The following TECTA variants were observed in gnomAD, a reference collection of about 807,000 sequenced individuals.
The protein encoded by TECTA is tectorin alpha.
TECTA carries 128 observed loss-of-function variants against 216.8 expected under a neutral mutation model. That is an observed-to-expected ratio of 0.59 (90% CI 0.51 to 0.68). TECTA has a LOEUF of 0.68. Among genes scored for constraint, TECTA ranks in the 30% least tolerant of loss-of-function variants. The pLI is 0.00. For missense variants in TECTA, 2,551 were observed against 2,786.2 expected (o/e 0.92, Z 1.90); for synonymous variants, 1,089 against 1,117.1 (o/e 0.97, Z 0.50).
At chr11:121,116,909 C>T (rs1946507157) in intron 6 of TECTA, among the ~76,000 whole-genome samples, 1 of 152,170 alleles carries the variant, frequency 6.6e-6, no homozygotes, top group South Asian at 2.1e-4. Flanking sequence ...GGCTGATGCA[C>T]ATGACTTATT....
chr11:121,166,908 T>C (rs1306704491), intron 18 of TECTA, 128 bp downstream of exon 18: 5 of 1,029,658 alleles, frequency 4.9e-6, no homozygotes, highest in Non-Finnish European at 7.3e-6. Context: ...AAAACAGCAA[T>C]AGGCATGTGC....
chr11:121,164,511 G>A (rs192362128), intron 16 of TECTA, among the ~76,000 whole-genome samples: 12 of 152,240 alleles, frequency 7.9e-5, no homozygotes, highest in East Asian at 3.9e-4. Context: ...AGACCGAGGC[G>A]TTGACTATCT....
At chr11:121,102,577 T>G in intron 1 of TECTA, 88 bp from the exon 2 acceptor site, 1 of 967,214 alleles carries the variant, frequency 1.0e-6, no homozygotes, top group Non-Finnish European at 1.7e-6. Context: ...GTTTTGATGG[T>G]CTTGGGATTA....
Position 121,113,585 on chromosome 11 carries a change from C to T in TECTA, c.657C>T (p.Phe219=), listed in dbSNP as rs1224474527. 1 of 1,614,014 alleles carries T rather than the reference C, an allele frequency of 6.2e-7. No homozygotes were observed. The highest frequency in any genetic ancestry group is 1.7e-5 in the Admixed American group (1 of 60,020). ...TTAATGGTGGAAACCTCACCAATTT[C>T]TTCAGCCTCCCGGGGTCAAGAACCC... is the stretch of plus-strand genomic sequence containing the variant. ...AGFNGGNLTN[F]FSLPGSRTPE... is the part of the protein sequence containing the mutation. The change falls in exon 6 of 24, where the codon TTC becomes TTT. Residue 219 remains phenylalanine, a synonymous_variant. Transcript: ENST00000392793. This position sits in a 1 kb window ranked among gnomAD's most constrained non-coding sequence, Gnocchi z 4.2.
At chr11:121,171,637 G>A (rs1275558412) in intron 20 of TECTA, among the ~76,000 whole-genome samples, 1 of 151,870 alleles carries the variant, frequency 6.6e-6, no homozygotes, top group Non-Finnish European at 1.5e-5. Flanking sequence ...TTTTCACTTG[G>A]TTAAATTTAT....
At chr11:121,184,216 G>A (rs900421940) in intron 20 of TECTA, among the ~76,000 whole-genome samples, 4 of 152,214 alleles carry the variant, frequency 2.6e-5, no homozygotes, top group African/African-American at 7.2e-5. Flanking sequence ...AGGAGTGGAT[G>A]TGACTTCAGA....
intron 13 of TECTA, among the ~76,000 whole-genome samples, chr11:121,154,196 CGA>C (rs1429754475): frequency 6.6e-6 from 1 of 152,022 alleles, no homozygotes; most frequent in East Asian, 1.9e-4. Context: ...ATCAGCTAGG[CGA>C]AAAATAAATA....
rs1352301200 is a variant in TECTA at position 121,118,395 on chromosome 11, T to C, written c.880T>C (p.Cys294Arg). ...RCLDFNNEIY[C>R]QEASCSPYEV... ...TCTGGATTTCAACAATGAGATCTAC[T>C]GCCAGGAGGCTTCCTGTAGCCCCTA... The change falls in exon 7 of 24, where the codon TGC becomes CGC. Residue 294 changes from cysteine to arginine, a missense_variant. Cys to Arg is a radical substitution (Grantham distance 180, BLOSUM62 -3). Coordinates refer to ENST00000392793, the MANE Select transcript of TECTA (RefSeq NM_005422.4). 1.9e-6 allele frequency: 3 copies of C among 1,614,194 alleles called. No homozygotes were observed. The Admixed American group carries it at 5.0e-5, about 27-fold the overall frequency.
At chr11:121,178,517 AGT>A (rs3222565) in intron 20 of TECTA, among the ~76,000 whole-genome samples, 4,923 of 127,132 alleles carry the variant, frequency 0.039, 134 homozygotes, top group African/African-American at 0.085. Context: ...GCTTGTAGTT[AGT>A]GTGTGTGTGT....
chr11:121,188,613 C>T (rs1355223863), intron 21 of TECTA, among the ~76,000 whole-genome samples: 1 of 152,186 alleles, frequency 6.6e-6, no homozygotes, highest in African/African-American at 2.4e-5. Flanking sequence ...ACCTCCACCA[C>T]TTACGGGCTG....
At chr11:121,119,839 G>A (rs1946539497) in intron 7 of TECTA, among the ~76,000 whole-genome samples, 1 of 152,214 alleles carries the variant, frequency 6.6e-6, no homozygotes, top group Non-Finnish European at 1.5e-5. Flanking sequence ...TGAGGAAAGT[G>A]AGCTATTACT....
At chr11:121,134,748 C>T (rs1009995893) in intron 10 of TECTA, among the ~76,000 whole-genome samples, 16 of 152,144 alleles carry the variant, frequency 1.1e-4, no homozygotes, top group Non-Finnish European at 2.2e-4. Context: ...ATTTCAGTGC[C>T]GTCCTTTTAG....
intron 20 of TECTA, among the ~76,000 whole-genome samples, chr11:121,185,322 ATGAG>A (rs1162142844): frequency 2.7e-5 from 4 of 149,710 alleles, no homozygotes; most frequent in Non-Finnish European, 3.0e-5. Context: ...TCAATGCTTA[ATGAG>A]TGAGTAGGGA....
intron 11 of TECTA, among the ~76,000 whole-genome samples, chr11:121,143,573 T>C (rs493269): frequency 1 from 152,356 of 152,374 alleles, 76,169 homozygotes; most frequent in Middle Eastern, 1. Flanking sequence ...GCCTCTGCCA[T>C]GTGCCTGGGA....
At chr11:121,147,434 C>G (rs1049630914) in intron 12 of TECTA, among the ~76,000 whole-genome samples, 3 of 152,106 alleles carry the variant, frequency 2.0e-5, no homozygotes, top group Non-Finnish European at 4.4e-5. Flanking sequence ...CAGATGCCAT[C>G]CCATTTCATC....
chr11:121,144,028 G>A (rs1946810563), intron 11 of TECTA, among the ~76,000 whole-genome samples: 2 of 152,194 alleles, frequency 1.3e-5, no homozygotes, highest in South Asian at 4.1e-4. Context: ...ATAGACGCAG[G>A]GCCTGGGGTT....
rs553879312 is a variant in TECTA, at chr11:121,150,465, C to T, written c.4106-2416C>T. ...GAGAGAACATTTCAGAACAAATTAT[C>T]CAAGGCTAAAAGGGAAACTTGACAA... On this transcript the variant is annotated intron_variant, in intron 12 of 23. Transcript: ENST00000392793. Among the ~76,000 whole-genome samples, 15 of 152,102 alleles carry T rather than the reference C, an allele frequency of 9.9e-5. No homozygotes were observed. In the South Asian group the frequency reaches 3.1e-3, roughly 32 times the overall value.
chr11:121,134,345 A>ACACACACACG (rs954311155), intron 10 of TECTA, among the ~76,000 whole-genome samples: 1 of 151,916 alleles, frequency 6.6e-6, no homozygotes, highest in African/African-American at 2.4e-5. Flanking sequence ...ACACACACAC[A>ACACACACACG]CACGCACACA....
At chr11:121,123,950 T>C (rs1330276636) in intron 7 of TECTA, among the ~76,000 whole-genome samples, 5 of 152,132 alleles carry the variant, frequency 3.3e-5, no homozygotes, top group Non-Finnish European at 7.4e-5. Context: ...GGGCTGCTGT[T>C]CCCTCCTCAA....
Sources: allele counts gnomAD v4.1 joint callset (sites outside exome capture counted in the v4.1 genomes callset), GRCh38; gene constraint gnomAD v4.1.1; non-coding constraint Gnocchi (gnomAD v3.1); transcripts MANE v1.5; gene names NCBI Gene and HGNC (gene_info 2026-07-23, HGNC 2026-07-21).